GALNTL6: variants seen among roughly 807,000 people sequenced by gnomAD.
The protein encoded by GALNTL6 is polypeptide N-acetylgalactosaminyltransferase-like 6.
A neutral mutation model predicts 73.7 loss-of-function variants in GALNTL6; 46 were observed. The observed-to-expected ratio is 0.62, with a 90% CI of 0.49 to 0.80. GALNTL6 has a LOEUF of 0.80. Ranked by LOEUF, GALNTL6 falls within the 30% of genes least tolerant of loss-of-function variation. The probability of loss-of-function intolerance (pLI) is 0.00; values close to 1 mark genes in which losing one functional copy is unlikely to be tolerated. For synonymous variants in GALNTL6, 259 were observed against 263.7 expected (o/e 0.98, Z 0.17); for missense variants, 604 against 755.0 (o/e 0.80, Z 2.34).
chr4:172,538,840 C>G (rs1268051384), intron 5 of GALNTL6, among the ~76,000 whole-genome samples: 2 of 152,092 alleles, frequency 1.3e-5, no homozygotes, highest in Non-Finnish European at 2.9e-5. Flanking sequence ...AAGTGACAAA[C>G]AGCCAGAGAT....
chr4:171,942,482 T>C (rs375768301), intron 2 of GALNTL6, among the ~76,000 whole-genome samples: 1 of 152,164 alleles, frequency 6.6e-6, no homozygotes, highest in Non-Finnish European at 1.5e-5. Flanking sequence ...TGCTTAATTC[T>C]AATACAATAA....
chr4:172,007,572 A>T (rs1740877971), intron 2 of GALNTL6, among the ~76,000 whole-genome samples: 1 of 152,120 alleles, frequency 6.6e-6, no homozygotes, highest in Non-Finnish European at 1.5e-5. Flanking sequence ...TGAAAAAGAA[A>T]ATTAATTAAC....
chr4:172,997,412 G>A (rs948479584), intron 10 of GALNTL6, among the ~76,000 whole-genome samples: 1 of 152,134 alleles, frequency 6.6e-6, no homozygotes, highest in Admixed American at 6.5e-5. Context: ...CATGGCGAGA[G>A]TGCAGATGAG....
chr4:172,480,835 CCCAGGCTTTCCTCCAT>C lies in GALNTL6; in HGVS notation c.553+132147_553+132162del, dbSNP rs1223951954. Among the ~76,000 whole-genome samples the C allele has an allele frequency of 5.9e-5, 9 of 152,256 alleles. No individual in the cohort carries two copies. The East Asian group carries it at 1.5e-3, about 26-fold the overall frequency. On this transcript the variant is annotated intron_variant, in intron 5 of 12. Transcript: ENST00000506823. ...AGTTCAAGTTGGCCTTGGCATAATA[CCCAGGCTTTCCTCCAT>C]GTGATCTCATGTCCTCCACTAGACT...
chr4:172,921,945 T>C (rs982422069), intron 8 of GALNTL6, among the ~76,000 whole-genome samples: 4 of 152,250 alleles, frequency 2.6e-5, no homozygotes, highest in African/African-American at 4.8e-5. Context: ...TATGGAGATA[T>C]GGTTTGACTG....
intron 5 of GALNTL6, among the ~76,000 whole-genome samples, chr4:172,703,788 G>C (rs1734170225): frequency 6.6e-6 from 1 of 151,934 alleles, no homozygotes; most frequent in Non-Finnish European, 1.5e-5. Context: ...TTCTTTAACA[G>C]TGTGGTAGAA....
chr4:172,968,844 T>C (rs1750446476), intron 10 of GALNTL6, among the ~76,000 whole-genome samples: 2 of 152,206 alleles, frequency 1.3e-5, no homozygotes, highest in Admixed American at 1.3e-4. Context: ...CTTCCTCTAA[T>C]AGTCCAAGAA....
At chr4:171,890,462 C>A (rs937837175) in intron 2 of GALNTL6, among the ~76,000 whole-genome samples, 1 of 152,042 alleles carries the variant, frequency 6.6e-6, no homozygotes, top group Non-Finnish European at 1.5e-5. Context: ...TGTACTCTCT[C>A]TATATTTTAA....
intron 2 of GALNTL6, among the ~76,000 whole-genome samples, chr4:172,031,441 T>C (rs527723736): frequency 6.6e-6 from 1 of 152,248 alleles, no homozygotes; most frequent in Admixed American, 6.6e-5. Context: ...TTGTCAATAG[T>C]GCTACGCAAA....
chr4:171,828,576 C>A (rs1225735121), intron 2 of GALNTL6, among the ~76,000 whole-genome samples: 1 of 152,126 alleles, frequency 6.6e-6, no homozygotes, highest in Admixed American at 6.6e-5. Flanking sequence ...TTGATAAACA[C>A]AATGCAGTAC....
chr4:172,757,621 T>C (rs1358579786), intron 5 of GALNTL6, among the ~76,000 whole-genome samples: 2 of 152,226 alleles, frequency 1.3e-5, no homozygotes, highest in Non-Finnish European at 2.9e-5. Context: ...CAAGATCATC[T>C]TTCAAAATTA....
chr4:172,395,614 G>C (rs563786110), intron 5 of GALNTL6, among the ~76,000 whole-genome samples: 1 of 152,012 alleles, frequency 6.6e-6, no homozygotes. Context: ...TTGACGAAAG[G>C]ATTGACCATG....
chr4:173,028,531 A>G (rs1291001212), intron 12 of GALNTL6, among the ~76,000 whole-genome samples: 1 of 152,126 alleles, frequency 6.6e-6, no homozygotes, highest in Non-Finnish European at 1.5e-5. Flanking sequence ...ACTGTATATT[A>G]TACATACTTA....
chr4:173,018,631 C>T (rs549191700), intron 11 of GALNTL6, among the ~76,000 whole-genome samples: 1 of 152,200 alleles, frequency 6.6e-6, no homozygotes, highest in African/African-American at 2.4e-5. Flanking sequence ...GACACTTGAA[C>T]TGAATCTTAC....
chr4:172,564,547 G>C (rs567857284), intron 5 of GALNTL6, among the ~76,000 whole-genome samples: 86 of 152,312 alleles, frequency 5.6e-4, no homozygotes, highest in Non-Finnish European at 1.0e-3. Flanking sequence ...TGGAAGAAGA[G>C]AGAAAGCAGA....
chr4:172,576,284 A>T (rs111480422), intron 5 of GALNTL6, among the ~76,000 whole-genome samples: 87 of 152,308 alleles, frequency 5.7e-4, no homozygotes, highest in African/African-American at 2.0e-3. Flanking sequence ...ATTCATCTAC[A>T]CAGGGACAAT....
intron 2 of GALNTL6, among the ~76,000 whole-genome samples, chr4:172,116,730 C>CT (rs1310195061): frequency 6.6e-6 from 1 of 152,086 alleles, no homozygotes; most frequent in Non-Finnish European, 1.5e-5. Context: ...TCAAAGCACA[C>CT]TTTTTAAAAC....
intron 10 of GALNTL6, among the ~76,000 whole-genome samples, chr4:172,978,805 T>C (rs144090529): frequency 6.6e-6 from 1 of 152,036 alleles, no homozygotes; most frequent in African/African-American, 2.4e-5. Flanking sequence ...AAACAGAAAA[T>C]GATCACTGTT....
chr4:172,287,194 A>G (rs993842334), intron 3 of GALNTL6, among the ~76,000 whole-genome samples: 1 of 152,182 alleles, frequency 6.6e-6, no homozygotes, highest in African/African-American at 2.4e-5. Flanking sequence ...TTAAGAGCTT[A>G]CATTCTCCAA....
Sources: gnomAD v4.1 joint callset for allele counts (sites outside exome capture counted in the v4.1 genomes callset) on GRCh38, gnomAD v4.1.1 for gene constraint, MANE v1.5 for transcripts, NCBI Gene and HGNC (gene_info 2026-07-23, HGNC 2026-07-21) for gene names.